The following CYP4F11 variants were observed in gnomAD, a reference collection of about 807,000 sequenced individuals.
CYP4F11 encodes the protein cytochrome P450 family 4 subfamily F member 11.
A neutral mutation model predicts 62.2 loss-of-function variants in CYP4F11; 79 were observed. That is an observed-to-expected ratio of 1.27 (90% CI 1.06 to 1.53). CYP4F11 has a LOEUF of 1.53. Ranked by LOEUF, CYP4F11 falls within the 40% of genes most tolerant of loss-of-function variation. The probability of loss-of-function intolerance (pLI) is 0.00; values close to 1 mark genes in which losing one functional copy is unlikely to be tolerated. For synonymous variants in CYP4F11, 290 were observed against 263.7 expected (o/e 1.10, Z -0.97); for missense variants, 777 against 680.5 (o/e 1.14, Z -1.58).
At chr19:15,914,044 G>T in intron 11 of CYP4F11, 135 bp from the exon 12 acceptor site, 1 of 1,190,200 alleles carries the variant, frequency 8.4e-7, no homozygotes, top group South Asian at 1.5e-5. Context: ...AGTGTCCACA[G>T]GACTCCCATG....
chr19:15,928,345 A>G (rs1177128834), intron 2 of CYP4F11, among the ~76,000 whole-genome samples: 4 of 152,222 alleles, frequency 2.6e-5, no homozygotes, highest in Non-Finnish European at 5.9e-5. Context: ...TGTAGAAAAC[A>G]TAGGCTATAT....
At chr19:15,923,386 A>G (rs893226619) in intron 6 of CYP4F11, among the ~76,000 whole-genome samples, 1 of 151,876 alleles carries the variant, frequency 6.6e-6, no homozygotes, top group Non-Finnish European at 1.5e-5. Context: ...TCTGCAGTGC[A>G]TTCTGGTGTA....
intron 4 of CYP4F11, among the ~76,000 whole-genome samples, chr19:15,925,342 G>A (rs575025650): frequency 1.4e-4 from 21 of 152,212 alleles, no homozygotes; most frequent in African/African-American, 5.1e-4. Flanking sequence ...AGCCTCATGG[G>A]GTTATTAAAA....
At chr19:15,929,689 G>C in intron 1 of CYP4F11, 88 bp from the exon 2 acceptor site, 2 of 1,414,018 alleles carry the variant, frequency 1.4e-6, no homozygotes, top group African/African-American at 1.4e-5. Flanking sequence ...ACCGAGCCAA[G>C]AGATGCCCAG....
intron 4 of CYP4F11, among the ~76,000 whole-genome samples, chr19:15,926,507 T>G (rs1035787264): frequency 6.6e-6 from 1 of 152,200 alleles, no homozygotes; most frequent in African/African-American, 2.4e-5. Context: ...GCAACTTCTA[T>G]TAAGAGATGG....
intron 6 of CYP4F11, among the ~76,000 whole-genome samples, chr19:15,923,131 A>G (rs1307798014): frequency 1.3e-5 from 2 of 152,208 alleles, no homozygotes; most frequent in African/African-American, 4.8e-5. Flanking sequence ...AACTCAGAGA[A>G]TACTTCTTAT....
At chr19:15,919,405 T>C (rs1451315525) in intron 8 of CYP4F11, among the ~76,000 whole-genome samples, 1 of 141,128 alleles carries the variant, frequency 7.1e-6, no homozygotes, top group Non-Finnish European at 1.5e-5. Flanking sequence ...GGATAAAGGA[T>C]GGATGGACGG....
intron 1 of CYP4F11, among the ~76,000 whole-genome samples, chr19:15,929,841 C>G (rs983892493): frequency 1.3e-5 from 2 of 152,156 alleles, no homozygotes; most frequent in African/African-American, 4.8e-5. Flanking sequence ...TTTGATGGTG[C>G]AGATACAACA....
Position 15,914,664 on chromosome 19 carries a change from T to A in CYP4F11, c.1252A>T (p.Ile418Phe), listed in dbSNP as rs763519759. The change falls in exon 10 of 12, where the codon ATT (isoleucine) becomes TTT (phenylalanine). Residue 418 changes from isoleucine to phenylalanine, a missense_variant and splice_region_variant. Physicochemically the swap from Ile to Phe is conservative, Grantham distance 21. Coordinates refer to ENST00000402119, the MANE Select transcript of CYP4F11 (RefSeq NM_021187.4). Reference protein sequence around the residue: ...LPDGRVIPKGIVCLINIIGIH... With the variant: ...LPDGRVIPKGFVCLINIIGIH... ...CCGATAATATTGATGAGGCAGACAATGCCTGTGGGAGAGAAGAGGGCAGTC... is the reference window on the plus strand; with the variant it reads ...CCGATAATATTGATGAGGCAGACAAAGCCTGTGGGAGAGAAGAGGGCAGTC... 6.2e-7 allele frequency: 1 copy of A among 1,614,166 alleles called. No homozygotes were observed. Among genetic ancestry groups the A allele is most frequent in the Non-Finnish European group, 8.5e-7 (1 of 1,180,018 alleles).
At chr19:15,917,426 C>T (rs2089591602) in intron 8 of CYP4F11, among the ~76,000 whole-genome samples, 1 of 152,082 alleles carries the variant, frequency 6.6e-6, no homozygotes. Context: ...GTCATTCTAC[C>T]AGACATTAAG....
rs770761015 is a variant in CYP4F11 at position 15,934,416 on chromosome 19, G to A, written c.-8C>T. ...CAGGCTCAGCTGCGGCATCCTGCAG[G>A]GCAGACGGGATGGAGGGTGGGATCC... On this transcript the variant is annotated 5_prime_UTR_variant, in exon 1 of 12. Transcript: ENST00000402119. The A allele has an allele frequency of 6.2e-7, 1 of 1,612,210 alleles. No individual in the cohort carries two copies.
Position 15,924,877 on chromosome 19 carries a change from C to T in CYP4F11, c.531G>A (p.Lys177=). ...TGCCCTCTGAGGCCAGGCGCTGCCA[C>T]TTGTCCTGGCCAGAGAAAAAACAGA... ...FNKSVNIMHD[K]WQRLASEGSA... is the part of the protein sequence containing the mutation. Residue 177 remains lysine, a synonymous_variant, in exon 5 of 12, where the codon AAG becomes AAA. Transcript: ENST00000402119. 1.9e-6 allele frequency: 3 copies of T among 1,611,004 alleles called. No individual in the cohort carries two copies. The highest frequency in any genetic ancestry group is 2.5e-6 in the Non-Finnish European group (3 of 1,178,150).
chr19:15,930,922 G>A (rs541195362), intron 1 of CYP4F11, among the ~76,000 whole-genome samples: 1 of 152,344 alleles, frequency 6.6e-6, no homozygotes, highest in East Asian at 1.9e-4. Context: ...CTGCAGGCCA[G>A]GCTCTGTGCT....
At position 15,922,186 on chromosome 19, in the gene CYP4F11, A is replaced by C. The variant is rs781770816; in HGVS notation, c.986-20T>G. On this transcript the variant is annotated intron_variant, in intron 7 of 11. Coordinates refer to ENST00000402119, the MANE Select transcript of CYP4F11 (RefSeq NM_021187.4). ...CATGGCCTGAGGGGCAGCCAAGCAA[A>C]ACTGGGTTTCTGGGCTGCTTCAGCA... 6.2e-7 allele frequency: 1 copy of C among 1,604,788 alleles called. No homozygotes were observed. The highest frequency in any genetic ancestry group is 8.5e-7 in the Non-Finnish European group (1 of 1,175,928).
At chr19:15,926,331 A>G (rs2089668624) in intron 4 of CYP4F11, among the ~76,000 whole-genome samples, 1 of 152,202 alleles carries the variant, frequency 6.6e-6, no homozygotes, top group Admixed American at 6.5e-5. Context: ...GCCGTGAGTA[A>G]TAAATTGCTG....
chr19:15,924,687 C>G (rs1015562016), intron 5 of CYP4F11, 74 bp downstream of exon 5: 1 of 1,560,394 alleles, frequency 6.4e-7, no homozygotes, highest in Non-Finnish European at 8.7e-7. Context: ...CTGGTTACCC[C>G]GGTCAGCCAT....
chr19:15,934,521 G>T lies in CYP4F11; in HGVS notation c.-113C>A. The T allele has an allele frequency of 7.7e-7, 1 of 1,297,766 alleles. No individual in the cohort carries two copies. Among genetic ancestry groups the T allele is most frequent in the Non-Finnish European group, 1.0e-6 (1 of 959,662 alleles). The allele number at this position is 1,297,766 out of a possible 1,614,324, so 80.4% of individuals were successfully genotyped here. A position where few individuals can be genotyped will look rare whatever the true frequency, so the allele number is the denominator to read the frequency against. ...TGGGCAGTGCTGGAGGCAGATCAGGGAAGGCTCTGAGATGGGTAAACAAGA... is the reference window on the plus strand; with the variant it reads ...TGGGCAGTGCTGGAGGCAGATCAGGTAAGGCTCTGAGATGGGTAAACAAGA... On this transcript the variant is annotated 5_prime_UTR_variant, in exon 1 of 12. Coordinates refer to ENST00000402119, the MANE Select transcript of CYP4F11 (RefSeq NM_021187.4).
chr19:15,927,551 T>C, intron 2 of CYP4F11, 68 bp from the exon 3 acceptor site: 2 of 1,602,902 alleles, frequency 1.2e-6, no homozygotes, highest in Non-Finnish European at 8.5e-7. Flanking sequence ...TATGGAGGAA[T>C]GCTCCCAGCC....
chr19:15,921,945 G>A, intron 8 of CYP4F11, 92 bp downstream of exon 8: 5 of 1,436,876 alleles, frequency 3.5e-6, no homozygotes, highest in Non-Finnish European at 4.6e-6. Flanking sequence ...AGCGATAATG[G>A]AAGAATTGAC....
Sources: gnomAD v4.1 joint callset for allele counts (sites outside exome capture counted in the v4.1 genomes callset) on GRCh38, gnomAD v4.1.1 for gene constraint, MANE v1.5 for transcripts, NCBI Gene and HGNC (gene_info 2026-07-23, HGNC 2026-07-21) for gene names.